The following HAPLN4 variants were observed in gnomAD, a reference collection of about 807,000 sequenced individuals.
The protein encoded by HAPLN4 is brain link protein 2.
HAPLN4 carries 19 observed loss-of-function variants against 28.0 expected under a neutral mutation model. The ratio of observed to expected loss-of-function variants is 0.68; its 90% CI spans 0.47 to 1.00. The LOEUF (loss-of-function observed/expected upper bound fraction) is 1.00. Among genes scored for constraint, HAPLN4 ranks in the 50% least tolerant of loss-of-function variants. The pLI is 0.00. For missense variants in HAPLN4, 587 were observed against 602.6 expected (o/e 0.97, Z 0.27); for synonymous variants, 274 against 273.0 (o/e 1.00, Z -0.03).
At position 19,260,925 on chromosome 19, in the gene HAPLN4, C is replaced by T. The variant is rs943560539; in HGVS notation, c.372G>A (p.Gly124=). Residue 124 remains glycine (G), a synonymous_variant, in exon 3 of 5, where the codon GGG becomes GGA. Coordinates refer to ENST00000291481, the MANE Select transcript of HAPLN4 (RefSeq NM_023002.3). ...CGTTGCGGAGGACCAGGGAGGCATC[C>T]CCAGGCCCGTCGCCCTGCAGCTCAG... The part of the protein sequence containing the change: ...GRAELQGDGP[G]DASLVLRNVT... 3.1e-6 allele frequency: 5 copies of T among 1,614,014 alleles called. No individual in the cohort carries two copies. The highest frequency in any genetic ancestry group is 4.5e-5 in the East Asian group (2 of 44,884).
chr19:19,258,233 G>C lies in HAPLN4; in HGVS notation c.818-25C>G, dbSNP rs754997452. The C allele has an allele frequency of 4.1e-6, 6 of 1,461,468 alleles. No individual in the cohort carries two copies. The highest frequency in any genetic ancestry group is 3.6e-6 in the Non-Finnish European group (4 of 1,107,154). 90.5% of individuals were successfully genotyped at this position (1,461,468 alleles called of 1,614,324 possible). On this transcript the variant is annotated intron_variant, in intron 4 of 4. Transcript: ENST00000291481. This position sits in a 1 kb window ranked among gnomAD's most constrained non-coding sequence, Gnocchi z 6.2. Reference sequence around the variant, plus strand: ...CCTGCGGGGGTGAGGTGGGGGGTGGGTTATTAGTGCGGCTCCTGGGACCCT... The same window carrying C: ...CCTGCGGGGGTGAGGTGGGGGGTGGCTTATTAGTGCGGCTCCTGGGACCCT...
chr19:19,261,593 A>C, intron 1 of HAPLN4, 30 bp from the exon 2 acceptor site: 8 of 1,384,368 alleles, frequency 5.8e-6, no homozygotes, highest in Non-Finnish European at 6.6e-6. Context: ...CGCTCAGTCC[A>C]GCCTCCCAGC....
At position 19,258,635 on chromosome 19, in the gene HAPLN4, C is replaced by T. The variant is rs752756787; in HGVS notation, c.705G>A (p.Gly235=). ...CACCGCCGCCCCCTGCACTCCCGGTCCCCCCCAGGCCGCCGCAGGGCTCCC... is the reference window on the plus strand; with the variant it reads ...CACCGCCGCCCCCTGCACTCCCGGTTCCCCCCAGGCCGCCGCAGGGCTCCC... ...RPREPCGGLG[G]TGSAGGGGDA... Residue 235 remains glycine (G), a synonymous_variant, in exon 4 of 5, where the codon GGG becomes GGA. Coordinates refer to ENST00000291481, the MANE Select transcript of HAPLN4 (RefSeq NM_023002.3). The surrounding 1 kb of genome is among the most constrained non-coding windows in gnomAD (Gnocchi z 6.2). The T allele has an allele frequency of 7.5e-6, 12 of 1,609,492 alleles. No homozygotes were observed. The highest frequency in any genetic ancestry group is 5.3e-5 in the African/African-American group (4 of 74,772).
At position 19,258,436 on chromosome 19, in the gene HAPLN4, T is replaced by C; in HGVS notation, c.817+87A>G. The C allele has an allele frequency of 7.2e-7, 1 of 1,383,410 alleles. No homozygotes were observed. The highest frequency in any genetic ancestry group is 1.0e-6 in the Non-Finnish European group (1 of 999,724). The allele number at this position is 1,383,410 out of a possible 1,614,324, so 85.7% of individuals were successfully genotyped here. On this transcript the variant is annotated intron_variant, in intron 4 of 4. Coordinates refer to ENST00000291481, the MANE Select transcript of HAPLN4 (RefSeq NM_023002.3). The surrounding 1 kb of genome is among the most constrained non-coding windows in gnomAD (Gnocchi z 6.2). The stretch of plus-strand genomic sequence containing the variant: ...TCTTGGGAGAGGGGTCTCCTGTTTC[T>C]GATCGCTAAGAGCTGGGTGGGGAAG...
At chr19:19,261,687 TC>T in intron 1 of HAPLN4, 124 bp from the exon 2 acceptor site, 1 of 614,084 alleles carries the variant, frequency 1.6e-6, no homozygotes, top group Non-Finnish European at 2.7e-6. Flanking sequence ...CCCCACCCTT[TC>T]CGGGGTCCTG....
rs1429208695 is a variant in HAPLN4, at chr19:19,258,388, C to T, written c.817+135G>A. On this transcript the variant is annotated intron_variant, in intron 4 of 4. Coordinates refer to ENST00000291481, the MANE Select transcript of HAPLN4 (RefSeq NM_023002.3). This position sits in a 1 kb window ranked among gnomAD's most constrained non-coding sequence, Gnocchi z 6.2. ...AGGCCCAACCAGCGTTGGTACCAGG[C>T]GGTGTGTGCTGCGCCTAGGCACTCT... 1 of 1,106,060 alleles carries T rather than the reference C, an allele frequency of 9.0e-7. No homozygotes were observed. The highest frequency in any genetic ancestry group is 1.3e-6 in the Non-Finnish European group (1 of 780,170). 68.5% of individuals were successfully genotyped at this position (1,106,060 alleles called of 1,614,324 possible).
rs1350694597 is a variant in HAPLN4 at position 19,260,975 on chromosome 19, C to A, written c.322G>T (p.Ala108Ser). The A allele has an allele frequency of 1.2e-6, 2 of 1,613,780 alleles. No homozygotes were observed. ...VFVALGPQHR[A>S]FGSYRGRAEL... ...GCCCGCCCACGGTAGCTGCCGAATG[C>A]CCGGTGCTGGGGGCCTAGTGCCACG... The change falls in exon 3 of 5, where the codon GCA becomes TCA. Residue 108 changes from alanine to serine, a missense_variant. Physicochemically the swap from Ala to Ser is moderately conservative, Grantham distance 99. Coordinates refer to ENST00000291481, the MANE Select transcript of HAPLN4 (RefSeq NM_023002.3).
intron 3 of HAPLN4, among the ~76,000 whole-genome samples, chr19:19,259,760 G>C (rs1036632277): frequency 6.6e-6 from 1 of 152,190 alleles, no homozygotes; most frequent in Non-Finnish European, 1.5e-5. Context: ...TATTGTTAGG[G>C]AGGTCAGCAA....
chr19:19,258,641 C>T lies in HAPLN4; in HGVS notation c.699G>A (p.Leu233=), dbSNP rs1304335906. Residue 233 remains leucine (L), a synonymous_variant, in exon 4 of 5, where the codon CTG becomes CTA. Transcript: ENST00000291481. The surrounding 1 kb of genome is among the most constrained non-coding windows in gnomAD (Gnocchi z 6.2). Reference sequence around the variant, plus strand: ...CGCCCCCTGCACTCCCGGTCCCCCCCAGGCCGCCGCAGGGCTCCCGGGGCC... The same window carrying T: ...CGCCCCCTGCACTCCCGGTCCCCCCTAGGCCGCCGCAGGGCTCCCGGGGCC... ...VNRPREPCGG[L]GGTGSAGGGG... 2 of 1,611,510 alleles carry T rather than the reference C, an allele frequency of 1.2e-6. No homozygotes were observed. Among genetic ancestry groups the T allele is most frequent in the Admixed American group, 3.3e-5 (2 of 59,858 alleles).
In HAPLN4 at chr19:19,258,743, G is replaced by C. The variant is rs777095051; in HGVS notation, c.597C>G (p.His199Gln). The C allele has an allele frequency of 8.1e-6, 13 of 1,603,238 alleles. No individual in the cohort carries two copies. The highest frequency in any genetic ancestry group is 1.3e-5 in the African/African-American group (1 of 74,756). The stretch of plus-strand genomic sequence containing the variant: ...AGTCCAGGCCGTCGCGCCAGGCCGC[G>C]TGCAGCTGTTCTGCAGATGCCAGGA... Reference protein sequence around the residue: ...DGILASAEQLHAAWRDGLDWC... With the variant: ...DGILASAEQLQAAWRDGLDWC... Residue 199 changes from histidine to glutamine, a missense_variant, in exon 4 of 5, where the codon CAC becomes CAG. Physicochemically the swap from His to Gln is conservative, Grantham distance 24. Coordinates refer to ENST00000291481, the MANE Select transcript of HAPLN4 (RefSeq NM_023002.3). The surrounding 1 kb of genome is among the most constrained non-coding windows in gnomAD (Gnocchi z 6.2).
At chr19:19,261,800 T>A in intron 1 of HAPLN4, 1 of 426,624 alleles carries the variant, frequency 2.3e-6, no homozygotes, top group Non-Finnish European at 4.1e-6. Flanking sequence ...AGATCCCGCC[T>A]CATTCCCCCC....
Position 19,258,565 on chromosome 19 carries a change from C to A in HAPLN4, c.775G>T (p.Glu259Ter). 1 of 1,613,736 alleles carries A rather than the reference C, an allele frequency of 6.2e-7. No individual in the cohort carries two copies. Among genetic ancestry groups the A allele is most frequent in the Non-Finnish European group, 8.5e-7 (1 of 1,179,880 alleles). Reference protein sequence around the residue: ...LRNYGYRHNAEERYDAFCFTS... With the variant: ...LRNYGYRHNA ...AAGCAGAAGGCGTCGTAGCGTTCCTCGGCGTTATGGCGATACCCGTAGTTG... is the reference window on the plus strand; with the variant it reads ...AAGCAGAAGGCGTCGTAGCGTTCCTAGGCGTTATGGCGATACCCGTAGTTG... The change falls in exon 4 of 5, where the codon GAG (glutamate) becomes TAG (stop). Residue 259 changes from glutamate (E) to a stop codon, truncating the protein, a stop_gained. Transcript: ENST00000291481. LOFTEE classifies it low-confidence loss of function (END_TRUNC). This position sits in a 1 kb window ranked among gnomAD's most constrained non-coding sequence, Gnocchi z 6.2.
rs1473915888 is a variant in HAPLN4, at chr19:19,255,808, G to A, written c.*2009C>T. Reference sequence around the variant, plus strand: ...AAGAGGCAGAATTCAAACCCAAACCGACCTGGTCCCAAAACTCAGAGATAG... The same window carrying A: ...AAGAGGCAGAATTCAAACCCAAACCAACCTGGTCCCAAAACTCAGAGATAG... On this transcript the variant is annotated 3_prime_UTR_variant, in exon 5 of 5. Coordinates refer to ENST00000291481, the MANE Select transcript of HAPLN4 (RefSeq NM_023002.3). 6 of 152,194 alleles carry A rather than the reference G, an allele frequency of 3.9e-5. No homozygotes were observed. The highest frequency in any genetic ancestry group is 3.3e-4 in the Admixed American group (5 of 15,270). 9.4% of individuals were successfully genotyped at this position (152,194 alleles called of 1,614,324 possible).
Position 19,260,952 on chromosome 19 carries a change from C to T in HAPLN4, c.345G>A (p.Arg115=), listed in dbSNP as rs768350838. The T allele has an allele frequency of 6.2e-7, 1 of 1,613,738 alleles. No homozygotes were observed. Among genetic ancestry groups the T allele is most frequent in the African/African-American group, 1.3e-5 (1 of 74,942 alleles). Residue 115 remains arginine (R), a synonymous_variant, in exon 3 of 5, where the codon CGG becomes CGA. Transcript: ENST00000291481. ...CAGGCCCGTCGCCCTGCAGCTCAGC[C>T]CGCCCACGGTAGCTGCCGAATGCCC... ...QHRAFGSYRG[R]AELQGDGPGD... is the part of the protein sequence containing the mutation.
intron 2 of HAPLN4, 85 bp from the exon 3 acceptor site, chr19:19,261,260 TG>T: frequency 7.1e-7 from 1 of 1,411,858 alleles, no homozygotes; most frequent in Non-Finnish European, 9.6e-7. Context: ...GAGGGGAACG[TG>T]GGAAGACTCG....
Position 19,258,053 on chromosome 19 carries a change from CG to C in HAPLN4, c.972del (p.Asp325MetfsTer9). 6.4e-7 allele frequency: 1 copy of C among 1,550,870 alleles called. No individual in the cohort carries two copies. Among genetic ancestry groups the C allele is most frequent in the South Asian group, 1.2e-5 (1 of 85,604 alleles). The stretch of plus-strand genomic sequence containing the variant: ...ACGATGGGGTAGCGCGCACTGCCAT[CG>C]GCCAGCCAACCCGCGGTGCAGCGGT... The part of the protein sequence containing the change: ...LLDRCTAGWL[A>X]DGSARYPIVN... On this transcript the variant is annotated frameshift_variant, in exon 5 of 5. Coordinates refer to ENST00000291481, the MANE Select transcript of HAPLN4 (RefSeq NM_023002.3). LOFTEE classifies it low-confidence loss of function (END_TRUNC). This position sits in a 1 kb window ranked among gnomAD's most constrained non-coding sequence, Gnocchi z 6.2.
At position 19,262,745 on chromosome 19, in the gene HAPLN4, G is replaced by GC. The variant is rs752677513; in HGVS notation, c.-14dup. ...CCCCACTTACCATCTTGCCCGCGCG[G>GC]CCCCCGCCGAGCGGCCCCTACGCAC... On this transcript the variant is annotated 5_prime_UTR_variant, in exon 1 of 5. Transcript: ENST00000291481. 1 of 1,607,796 alleles carries GC rather than the reference G, an allele frequency of 6.2e-7. No homozygotes were observed. The highest frequency in any genetic ancestry group is 2.2e-5 in the East Asian group (1 of 44,786).
In HAPLN4 at chr19:19,258,182, G is replaced by T. The variant is rs891763242; in HGVS notation, c.844C>A (p.Arg282=). ...PGRVFFLKPL[R]PVPFSGAARA... is the part of the protein sequence containing the mutation. ...GCAGCTCCGGAGAAGGGTACAGGTC[G>T]CAGCGGCTTCAGGAAGAACACGCGC... is the stretch of plus-strand genomic sequence containing the variant. Residue 282 remains arginine (R), a synonymous_variant, in exon 5 of 5, where the codon CGA becomes AGA. Coordinates refer to ENST00000291481, the MANE Select transcript of HAPLN4 (RefSeq NM_023002.3). The surrounding 1 kb of genome is among the most constrained non-coding windows in gnomAD (Gnocchi z 6.2). 4.6e-6 allele frequency: 7 copies of T among 1,513,514 alleles called. No individual in the cohort carries two copies. The Admixed American group carries it at 8.5e-5, about 18-fold the overall frequency. 93.8% of individuals were successfully genotyped at this position (1,513,514 alleles called of 1,614,324 possible). A position where few individuals can be genotyped will look rare whatever the true frequency, so the allele number is the denominator to read the frequency against.
At chr19:19,261,252 G>T in intron 2 of HAPLN4, 77 bp from the exon 3 acceptor site, 1 of 1,472,590 alleles carries the variant, frequency 6.8e-7, no homozygotes, top group Non-Finnish European at 9.2e-7. Context: ...TCTCTGGGGA[G>T]GGGAACGTGG....
Sources: gnomAD v4.1 joint callset for allele counts (sites outside exome capture counted in the v4.1 genomes callset) on GRCh38, gnomAD v4.1.1 for gene constraint, Gnocchi (gnomAD v3.1) non-coding constraint, MANE v1.5 for transcripts, NCBI Gene and HGNC (gene_info 2026-07-23, HGNC 2026-07-21) for gene names.